PTPRD: variants seen among roughly 807,000 people sequenced by gnomAD.
PTPRD encodes the protein receptor-type tyrosine-protein phosphatase delta.
PTPRD carries 34 observed loss-of-function variants against 214.5 expected under a neutral mutation model. That is an observed-to-expected ratio of 0.16 (90% CI 0.12 to 0.21). PTPRD has a LOEUF of 0.21. PTPRD is among the 10% of genes least tolerant of loss of function. PTPRD has a pLI of 1.00. For synonymous variants in PTPRD, 1,128 were observed against 845.7 expected (o/e 1.33, Z -5.79); for missense variants, 2,545 against 2,398.7 (o/e 1.06, Z -1.27).
At chr9:10,550,841 C>T (rs1484224390) in intron 2 of PTPRD, among the ~76,000 whole-genome samples, 1 of 152,178 alleles carries the variant, frequency 6.6e-6, no homozygotes, top group Admixed American at 6.5e-5. Context: ...GCTTTTTCTC[C>T]ACCTCTACCT....
intron 14 of PTPRD, among the ~76,000 whole-genome samples, chr9:8,613,950 G>GTT (rs199925793): frequency 3.4e-5 from 5 of 146,170 alleles, no homozygotes; most frequent in East Asian, 2.0e-4. Context: ...TATTCTTGCA[G>GTT]TTTTTTTTTT....
At chr9:8,337,482 G>A (rs552748845) in intron 43 of PTPRD, among the ~76,000 whole-genome samples, 56 of 152,158 alleles carry the variant, frequency 3.7e-4, no homozygotes, top group African/African-American at 1.2e-3. Flanking sequence ...GATAGCATTA[G>A]GAGAAATACC....
chr9:8,353,850 A>ATATATGTG (rs1564200307), intron 39 of PTPRD, among the ~76,000 whole-genome samples: 5 of 120,960 alleles, frequency 4.1e-5, no homozygotes, highest in African/African-American at 1.6e-4. Flanking sequence ...GTATATATGT[A>ATATATGTG]TATATGTGTA....
At chr9:9,970,233 G>A (rs1228746815) in intron 4 of PTPRD, among the ~76,000 whole-genome samples, 2 of 151,852 alleles carry the variant, frequency 1.3e-5, no homozygotes, top group East Asian at 1.9e-4. Context: ...GGCGGATCAC[G>A]AGGTCAGGAG....
At chr9:8,856,301 TG>T (rs1437767532) in intron 11 of PTPRD, among the ~76,000 whole-genome samples, 1 of 152,164 alleles carries the variant, frequency 6.6e-6, no homozygotes, top group East Asian at 1.9e-4. Flanking sequence ...GTGTGCACTT[TG>T]AAACAGAGAA....
At chr9:9,050,583 A>G (rs563291947) in intron 10 of PTPRD, among the ~76,000 whole-genome samples, 1 of 152,264 alleles carries the variant, frequency 6.6e-6, no homozygotes, top group South Asian at 2.1e-4. Context: ...ATCTAGCAAT[A>G]AAAATTGTAT....
chr9:9,438,577 G>C (rs1238677740), intron 8 of PTPRD, among the ~76,000 whole-genome samples: 1 of 152,038 alleles, frequency 6.6e-6, no homozygotes, highest in East Asian at 1.9e-4. Context: ...TTGTGTACTG[G>C]GCCAACCAAA....
intron 12 of PTPRD, among the ~76,000 whole-genome samples, chr9:8,720,933 G>T (rs904126784): frequency 6.6e-6 from 1 of 151,942 alleles, no homozygotes; most frequent in East Asian, 1.9e-4. Flanking sequence ...CTTTTCAGCT[G>T]TTCTGCCTCT....
At chr9:9,892,303 G>A (rs1487443895) in intron 5 of PTPRD, among the ~76,000 whole-genome samples, 3 of 152,080 alleles carry the variant, frequency 2.0e-5, no homozygotes, top group Non-Finnish European at 4.4e-5. Context: ...ATACAAAAAG[G>A]AGGTGAAGGA....
At chr9:9,904,184 G>A (rs934938351) in intron 5 of PTPRD, among the ~76,000 whole-genome samples, 7 of 151,994 alleles carry the variant, frequency 4.6e-5, no homozygotes, top group African/African-American at 1.4e-4. Context: ...GTCTAAAGCT[G>A]GAAATGTTTT....
chr9:9,184,469 G>T (rs1220791774), intron 9 of PTPRD, among the ~76,000 whole-genome samples: 1 of 151,954 alleles, frequency 6.6e-6, no homozygotes, highest in African/African-American at 2.4e-5. Context: ...TGATTCTCCA[G>T]CCACAGCTTT....
In PTPRD at chr9:8,990,666, C is replaced by T. The variant is rs528776281; in HGVS notation, c.-104+28031G>A. Reference sequence around the variant, plus strand: ...AACTAAAAATATTATTCTCGCCTTCCCCTGCCTTTCTGTGTAGGAGATGGC... The same window carrying T: ...AACTAAAAATATTATTCTCGCCTTCTCCTGCCTTTCTGTGTAGGAGATGGC... On this transcript the variant is annotated intron_variant, in intron 11 of 45. Coordinates refer to ENST00000381196, the MANE Select transcript of PTPRD (RefSeq NM_002839.4). Among the ~76,000 whole-genome samples, 7 of 152,252 alleles carry T rather than the reference C, an allele frequency of 4.6e-5. No individual in the cohort carries two copies. In the South Asian group the frequency reaches 1.5e-3, roughly 32 times the overall value.
At chr9:8,351,273 A>G (rs543734284) in intron 39 of PTPRD, among the ~76,000 whole-genome samples, 1 of 152,168 alleles carries the variant, frequency 6.6e-6, no homozygotes, top group Non-Finnish European at 1.5e-5. Flanking sequence ...AGGATTACAT[A>G]TCTCTATTTG....
chr9:9,795,844 A>G (rs976287436), intron 5 of PTPRD, among the ~76,000 whole-genome samples: 6 of 152,146 alleles, frequency 3.9e-5, no homozygotes, highest in African/African-American at 1.4e-4. Flanking sequence ...ACTAAACAGT[A>G]GGTAAAATTG....
At chr9:9,381,068 A>G (rs1410641494) in intron 9 of PTPRD, among the ~76,000 whole-genome samples, 1 of 152,042 alleles carries the variant, frequency 6.6e-6, no homozygotes, top group Non-Finnish European at 1.5e-5. Context: ...TTAATCGATA[A>G]ATGATTTTTA....
intron 11 of PTPRD, among the ~76,000 whole-genome samples, chr9:8,794,509 AT>A (rs5896260): frequency 0.1 from 13,718 of 131,590 alleles, 654 homozygotes; most frequent in East Asian, 0.2. Context: ...CACAGAAGCC[AT>A]TTTTTTTTTT....
At chr9:8,788,363 C>T (rs1269215382) in intron 11 of PTPRD, among the ~76,000 whole-genome samples, 2 of 150,586 alleles carry the variant, frequency 1.3e-5, no homozygotes, top group Admixed American at 6.6e-5. Context: ...ACAACCTCCG[C>T]CTCTCAGGTT....
chr9:10,563,314 G>A (rs748590897), intron 2 of PTPRD, among the ~76,000 whole-genome samples: 2 of 152,124 alleles, frequency 1.3e-5, no homozygotes, highest in Non-Finnish European at 1.5e-5. Context: ...GTTCTAATGT[G>A]CCATTCATCA....
chr9:8,886,027 T>A (rs556416123), intron 11 of PTPRD, among the ~76,000 whole-genome samples: 1 of 152,308 alleles, frequency 6.6e-6, no homozygotes, highest in African/African-American at 2.4e-5. Flanking sequence ...CACACCTTTA[T>A]GGTTTTTAGT....
Sources: gnomAD v4.1 joint callset for allele counts (sites outside exome capture counted in the v4.1 genomes callset) on GRCh38, gnomAD v4.1.1 for gene constraint, MANE v1.5 for transcripts, NCBI Gene and HGNC (gene_info 2026-07-23, HGNC 2026-07-21) for gene names.